SHISAL1: variants seen among roughly 807,000 people sequenced by gnomAD.
SHISAL1 encodes the protein protein shisa-like-1.
A neutral mutation model predicts 22.6 loss-of-function variants in SHISAL1; 9 were observed. That is an observed-to-expected ratio of 0.40 (90% CI 0.24 to 0.70). The LOEUF (loss-of-function observed/expected upper bound fraction) is 0.70, where lower values mean the gene tolerates loss of function less well. Among genes scored for constraint, SHISAL1 ranks in the 30% least tolerant of loss-of-function variants. The pLI, the probability that SHISAL1 is intolerant of heterozygous loss-of-function variation, is 0.39. For synonymous variants in SHISAL1, 119 were observed against 115.4 expected (o/e 1.03, Z -0.20); for missense variants, 246 against 270.6 (o/e 0.91, Z 0.64).
chr22:44,281,316 C>T (rs2055275090), intron 4 of SHISAL1, among the ~76,000 whole-genome samples: 2 of 152,136 alleles, frequency 1.3e-5, no homozygotes, highest in Non-Finnish European at 2.9e-5. Flanking sequence ...CACTGCACAA[C>T]TGACAAGGGT....
At chr22:44,275,034 G>A (rs561816851) in intron 4 of SHISAL1, among the ~76,000 whole-genome samples, 28 of 152,324 alleles carry the variant, frequency 1.8e-4, no homozygotes, top group Non-Finnish European at 3.7e-4. Flanking sequence ...GCTCTGATTC[G>A]AAGACTATGC....
rs1370058430 is a variant in SHISAL1 at position 44,283,602 on chromosome 22, T to C, written c.599+1826A>G. Among the ~76,000 whole-genome samples, 6 of 152,184 alleles carry C rather than the reference T, an allele frequency of 3.9e-5. No homozygotes were observed. The South Asian group carries it at 1.0e-3, about 26-fold the overall frequency. On this transcript the variant is annotated intron_variant, in intron 4 of 4. Transcript: ENST00000381176. ...CCGGGGCAGGAAAACAGCACCCAGG[T>C]GCTGAGTGCAGGGTGCTCACGACAT...
rs907870195 is a variant in SHISAL1 at position 44,252,995 on chromosome 22, T to TA, written c.*-3311dup. On this transcript the variant is annotated intron_variant, in intron 4 of 4. Coordinates refer to ENST00000381176, the MANE Select transcript of SHISAL1 (RefSeq NM_001099294.2). ...TGGGTGACAGAGTGAGACTCCATCT[T>TA]AAAAAAAATAAAAAAAATAAAAAAA... 7.4e-5 allele frequency among the ~76,000 whole-genome samples: 11 copies of TA among 149,226 alleles called. No homozygotes were observed. In the South Asian group the frequency reaches 1.3e-3, roughly 17 times the overall value.
chr22:44,303,620 GAC>G (rs2055448956), intron 1 of SHISAL1, among the ~76,000 whole-genome samples: 1 of 152,202 alleles, frequency 6.6e-6, no homozygotes, highest in African/African-American at 2.4e-5. Flanking sequence ...TCCAGGCTGA[GAC>G]AGTAAATTCC....
At chr22:44,273,028 G>A (rs183263507) in intron 4 of SHISAL1, among the ~76,000 whole-genome samples, 9 of 152,118 alleles carry the variant, frequency 5.9e-5, no homozygotes, top group East Asian at 5.8e-4. Flanking sequence ...CCCCAGAGGC[G>A]GAGGTTGCTG....
intron 4 of SHISAL1, among the ~76,000 whole-genome samples, chr22:44,266,513 TGGG>T (rs1282530931): frequency 6.1e-5 from 5 of 81,840 alleles, no homozygotes; most frequent in African/African-American, 9.8e-5. Context: ...ATGTGTGTGT[TGGG>T]GGCTTTGGGG....
In SHISAL1 at chr22:44,245,021, G is replaced by GC. The variant is rs554229735; in HGVS notation, c.*4663dup. 2.6e-5 allele frequency: 4 copies of GC among 152,420 alleles called. No homozygotes were observed. The South Asian group carries it at 8.3e-4, about 32-fold the overall frequency. The allele number at this position is 152,420 out of a possible 1,614,324, so 9.4% of individuals were successfully genotyped here. On this transcript the variant is annotated 3_prime_UTR_variant, in exon 5 of 5. Coordinates refer to ENST00000381176, the MANE Select transcript of SHISAL1 (RefSeq NM_001099294.2). The stretch of plus-strand genomic sequence containing the variant: ...TGTCTTCCAGAGGGCACAGGGTATG[G>GC]CCCCAGCCCAGTGAGGTATTCCTGG...
intron 3 of SHISAL1, among the ~76,000 whole-genome samples, chr22:44,290,142 A>G (rs2055342836): frequency 6.6e-6 from 1 of 152,218 alleles, no homozygotes; most frequent in Non-Finnish European, 1.5e-5. Flanking sequence ...TTGAGGGTGG[A>G]GGAGGAGAGT....
intron 1 of SHISAL1, among the ~76,000 whole-genome samples, chr22:44,306,371 G>A (rs530275871): frequency 2.6e-4 from 38 of 145,608 alleles, no homozygotes; most frequent in African/African-American, 9.3e-4. Flanking sequence ...GATGGCGTGT[G>A]CGGAGGGGAA....
intron 4 of SHISAL1, among the ~76,000 whole-genome samples, chr22:44,277,106 C>T (rs2055245167): frequency 6.6e-6 from 1 of 152,208 alleles, no homozygotes; most frequent in South Asian, 2.1e-4. Flanking sequence ...AGCTGCTCCT[C>T]CCCTGGCTGA....
At chr22:44,255,183 T>C (rs1379787800) in intron 4 of SHISAL1, among the ~76,000 whole-genome samples, 1 of 152,132 alleles carries the variant, frequency 6.6e-6, no homozygotes, top group African/African-American at 2.4e-5. Context: ...TATGTTGATA[T>C]ATATATATTT....
chr22:44,304,169 C>G (rs2055453770), intron 1 of SHISAL1, among the ~76,000 whole-genome samples: 1 of 152,178 alleles, frequency 6.6e-6, no homozygotes, highest in Admixed American at 6.5e-5. Context: ...AGAGGGGACA[C>G]CAACCTGGGT....
upstream of SHISAL1, among the ~76,000 whole-genome samples, chr22:44,317,119 C>T (rs2055562787): frequency 6.6e-6 from 1 of 152,218 alleles, no homozygotes; most frequent in Admixed American, 6.5e-5. Context: ...GGCCCCTGTC[C>T]ATCCTCACCA....
chr22:44,310,758 T>A lies in SHISAL1; in HGVS notation c.-33+1993A>T, dbSNP rs2055512580. The stretch of plus-strand genomic sequence containing the variant: ...CCATGTCTACGTCTGATTTCCCCAG[T>A]TCATCTTTCCGTGCTTTGCTTGTTC... On this transcript the variant is annotated intron_variant, in intron 1 of 4. Transcript: ENST00000381176. The surrounding 1 kb of genome is among the most constrained non-coding windows in gnomAD (Gnocchi z 4.0). Among the ~76,000 whole-genome samples the A allele has an allele frequency of 6.6e-6, 1 of 152,082 alleles. No homozygotes were observed. The highest frequency in any genetic ancestry group is 1.5e-5 in the Non-Finnish European group (1 of 68,014).
chr22:44,326,202 G>A, the SHISAL1 span, among the ~76,000 whole-genome samples: 3 of 152,152 alleles, frequency 2.0e-5, no homozygotes, highest in Admixed American at 6.5e-5. Context: ...GACAAGCTCC[G>A]GGAGCCTCAG....
At chr22:44,289,997 GTAAACAAAACCTCTGA>G (rs2055342046) in intron 3 of SHISAL1, among the ~76,000 whole-genome samples, 1 of 152,194 alleles carries the variant, frequency 6.6e-6, no homozygotes, top group Non-Finnish European at 1.5e-5. Flanking sequence ...TTCCCAAGCA[GTAAACAAAACCTCTGA>G]TGGAGGAATC....
intron 4 of SHISAL1, among the ~76,000 whole-genome samples, chr22:44,266,937 T>G (rs1166814377): frequency 2.0e-5 from 3 of 152,106 alleles, no homozygotes. Flanking sequence ...AGAAAGAAGC[T>G]GGCGGGCATC....
the SHISAL1 span, among the ~76,000 whole-genome samples, chr22:44,331,352 G>T: frequency 1.5e-5 from 2 of 134,376 alleles, no homozygotes; most frequent in Admixed American, 7.4e-5. The surrounding 1 kb of genome is among the most constrained non-coding windows in gnomAD (Gnocchi z 5.2). Flanking sequence ...GCCCCGCGCC[G>T]CAGACCCCGC....
intron 4 of SHISAL1, among the ~76,000 whole-genome samples, chr22:44,262,247 AG>A (rs755171624): frequency 3.3e-5 from 5 of 152,210 alleles, no homozygotes; most frequent in South Asian, 2.1e-4. Context: ...GCCTCAGCCA[AG>A]GTCATTCAGA....
Sources: gnomAD v4.1 joint callset for allele counts (sites outside exome capture counted in the v4.1 genomes callset) on GRCh38, gnomAD v4.1.1 for gene constraint, Gnocchi (gnomAD v3.1) non-coding constraint, MANE v1.5 for transcripts, NCBI Gene and HGNC (gene_info 2026-07-23, HGNC 2026-07-21) for gene names.